The following GRIK2 variants were observed in gnomAD, a reference collection of about 807,000 sequenced individuals.
GRIK2 encodes glutamate ionotropic receptor kainate type subunit 2.
GRIK2 carries 32 observed loss-of-function variants against 100.3 expected under a neutral mutation model. The observed-to-expected ratio is 0.32, with a 90% confidence interval of 0.24 to 0.43. The LOEUF is 0.43. Among genes scored for constraint, GRIK2 ranks in the 20% least tolerant of loss-of-function variants. The pLI is 1.00. For synonymous variants in GRIK2, 417 were observed against 389.4 expected, an observed-to-expected ratio of 1.07 and a Z score of -0.83; for missense variants, 843 against 1,114.9, an observed-to-expected ratio of 0.76 and a Z score of 3.47.
chr6:101,504,045 A>G (rs1197667332), intron 2 of GRIK2, among the ~76,000 whole-genome samples: 1 of 152,176 alleles, frequency 6.6e-6, no homozygotes, highest in Non-Finnish European at 1.5e-5. Flanking sequence ...TACTACATTT[A>G]TTTTATAGAT....
At chr6:101,837,455 T>A (rs1342801701) in intron 10 of GRIK2, among the ~76,000 whole-genome samples, 3 of 152,170 alleles carry the variant, frequency 2.0e-5, no homozygotes, top group African/African-American at 7.2e-5. Context: ...CAACTTTGAT[T>A]GTGTTAATCA....
chr6:101,681,198 C>T (rs1169378393), intron 5 of GRIK2, among the ~76,000 whole-genome samples: 1 of 152,044 alleles, frequency 6.6e-6, no homozygotes, highest in Admixed American at 6.6e-5. Flanking sequence ...TACAGGCATA[C>T]AACGTGTAAT....
At chr6:101,811,688 G>A (rs1781332679) in intron 9 of GRIK2, among the ~76,000 whole-genome samples, 1 of 151,748 alleles carries the variant, frequency 6.6e-6, no homozygotes, top group Admixed American at 6.6e-5. Context: ...ACAAAACAGA[G>A]CTAACATGCA....
rs189813193 is a variant in GRIK2 at position 101,444,616 on chromosome 6, G to C, written c.115+45224G>C. Among the ~76,000 whole-genome samples, 185 of 152,082 alleles carry C rather than the reference G, an allele frequency of 1.2e-3. 1 individual carries two copies. Among genetic ancestry groups the C allele is most frequent in the Non-Finnish European group, 2.1e-3 (146 of 67,984 alleles). The stretch of plus-strand genomic sequence containing the variant: ...TCCTTAATTGCATTTTCTTATAGGA[G>C]TATACTATTTGTTTATTAAGTAAAA... On this transcript the variant is annotated intron_variant, in intron 2 of 16. Coordinates refer to ENST00000369134, the MANE Select transcript of GRIK2 (RefSeq NM_021956.5).
chr6:101,623,068 T>A (rs1780242111), intron 3 of GRIK2, among the ~76,000 whole-genome samples: 1 of 152,104 alleles, frequency 6.6e-6, no homozygotes, highest in African/African-American at 2.4e-5. Context: ...CATTATATTT[T>A]AAAACAATGT....
At chr6:101,926,100 C>T (rs1188252982) in intron 13 of GRIK2, among the ~76,000 whole-genome samples, 1 of 151,046 alleles carries the variant, frequency 6.6e-6, no homozygotes, top group East Asian at 1.9e-4. Flanking sequence ...CATGAGCTAA[C>T]CTAAGTTTGT....
intron 7 of GRIK2, among the ~76,000 whole-genome samples, chr6:101,705,544 G>A (rs1040372206): frequency 2.6e-5 from 4 of 151,754 alleles, no homozygotes; most frequent in Non-Finnish European, 4.4e-5. Flanking sequence ...AGATACAAGT[G>A]TTACTTTGGA....
Position 101,627,089 on chromosome 6 carries a change from ATG to A in GRIK2, c.541+465_541+466del, listed in dbSNP as rs377491038. The stretch of plus-strand genomic sequence containing the variant: ...CTAACAATTTAGATCATATTGAATA[ATG>A]TGTGTGTGTGTGCGTGTGTGTGTCT... On this transcript the variant is annotated intron_variant, in intron 4 of 16. Transcript: ENST00000369134. 6.4e-3 allele frequency among the ~76,000 whole-genome samples: 938 copies of A among 147,704 alleles called. 11 individuals carry two copies. The highest frequency in any genetic ancestry group is 0.022 in the African/African-American group (892 of 39,788).
intron 4 of GRIK2, among the ~76,000 whole-genome samples, chr6:101,675,302 CACACCA>C (rs1442793449): frequency 1.8e-4 from 15 of 83,380 alleles, no homozygotes; most frequent in African/African-American, 5.3e-4. Flanking sequence ...CAGACACACA[CACACCA>C]CACACACACA....
chr6:101,737,789 A>G (rs913563818), intron 7 of GRIK2, among the ~76,000 whole-genome samples: 2 of 152,180 alleles, frequency 1.3e-5, no homozygotes, highest in South Asian at 4.1e-4. Context: ...TCTGTCTACA[A>G]AGTGATTTTT....
chr6:101,794,237 G>A (rs1393911438), intron 7 of GRIK2, among the ~76,000 whole-genome samples: 3 of 152,022 alleles, frequency 2.0e-5, no homozygotes, highest in Admixed American at 6.6e-5. Context: ...CCACTGTCTG[G>A]CACTCCCTAG....
chr6:101,839,964 G>A (rs926485544), intron 10 of GRIK2, among the ~76,000 whole-genome samples: 1 of 152,072 alleles, frequency 6.6e-6, no homozygotes, highest in Non-Finnish European at 1.5e-5. Context: ...TCAAGAGAAT[G>A]TTCTGGCTTG....
intron 10 of GRIK2, among the ~76,000 whole-genome samples, chr6:101,844,311 T>C (rs1354065379): frequency 6.6e-6 from 1 of 151,990 alleles, no homozygotes; most frequent in Non-Finnish European, 1.5e-5. Context: ...ACTTTCAGAG[T>C]TGAGGAAAAG....
intron 14 of GRIK2, among the ~76,000 whole-genome samples, chr6:102,022,917 AAAGT>A (rs1173373157): frequency 2.0e-5 from 3 of 151,558 alleles, no homozygotes; most frequent in Admixed American, 6.6e-5. Flanking sequence ...GTGAGTTAAT[AAAGT>A]AAGAGTTGAT....
chr6:101,955,576 TTCTCTCTCTCTCTCTCTCTC>T (rs60603807), intron 14 of GRIK2, among the ~76,000 whole-genome samples: 12 of 116,316 alleles, frequency 1.0e-4, no homozygotes, highest in South Asian at 2.8e-4. Context: ...GAGCAAGGCC[TTCTCTCTCTCTCTCTCTCTC>T]TCTCTCTCTC....
intron 7 of GRIK2, among the ~76,000 whole-genome samples, chr6:101,716,222 T>G (rs1728837328): frequency 6.6e-6 from 1 of 151,662 alleles, no homozygotes; most frequent in South Asian, 2.1e-4. Flanking sequence ...AATCAATTAA[T>G]AGTCAAAGGG....
chr6:102,068,219 A>G (rs1772113086), intron 16 of GRIK2, 128 bp from the exon 17 acceptor site: 3 of 633,024 alleles, frequency 4.7e-6, no homozygotes, highest in Non-Finnish European at 5.4e-6. Context: ...TATAACTTTT[A>G]CAATGAAAAT....
intron 14 of GRIK2, among the ~76,000 whole-genome samples, chr6:102,019,884 T>C (rs1769332649): frequency 1.3e-5 from 2 of 152,028 alleles, no homozygotes; most frequent in South Asian, 4.1e-4. Flanking sequence ...TCATATTTAC[T>C]TAGTGTATTA....
intron 12 of GRIK2, among the ~76,000 whole-genome samples, chr6:101,909,243 TATAA>T (rs1470258108): frequency 6.6e-6 from 1 of 150,830 alleles, no homozygotes; most frequent in African/African-American, 2.4e-5. Flanking sequence ...GAAAAAAATA[TATAA>T]ACATGATTAT....
Sources: gnomAD v4.1 joint callset for allele counts (sites outside exome capture counted in the v4.1 genomes callset) on GRCh38, gnomAD v4.1.1 for gene constraint, MANE v1.5 for transcripts, NCBI Gene and HGNC (gene_info 2026-07-23, HGNC 2026-07-21) for gene names.